ASAP1: variants seen among roughly 807,000 people sequenced by gnomAD.
ASAP1 encodes ArfGAP with SH3 domain, ankyrin repeat and PH domain 1, also known as arf-GAP with SH3 domain, ANK repeat and PH domain-containing protein 1.
ASAP1 carries 43 observed loss-of-function variants against 145.2 expected under a neutral mutation model. That is an observed-to-expected ratio of 0.30 (90% CI 0.23 to 0.38). The LOEUF is 0.38. ASAP1 is among the 10% of genes least tolerant of loss of function. The pLI is 1.00. For missense variants in ASAP1, 1,018 were observed against 1,355.3 expected, an observed-to-expected ratio of 0.75 and a Z score of 3.91; for synonymous variants, 546 against 515.5, an observed-to-expected ratio of 1.06 and a Z score of -0.80.
intron 2 of ASAP1, among the ~76,000 whole-genome samples, chr8:130,382,029 G>A (rs577490496): frequency 4.5e-4 from 68 of 152,304 alleles, no homozygotes; most frequent in South Asian, 1.2e-3. Context: ...GCTCAAGCCT[G>A]TAATCCCAGC....
chr8:130,152,686 G>A (rs780163111), intron 13 of ASAP1, 50 bp downstream of exon 13: 17 of 1,400,178 alleles, frequency 1.2e-5, no homozygotes, highest in East Asian at 9.4e-5. Context: ...GTACATAATC[G>A]TGTTTGCTTT....
rs35020130 is a variant in ASAP1, at chr8:130,390,933, T to TCC, written c.59+10950_59+10951dup. On this transcript the variant is annotated intron_variant, in intron 2 of 29. Transcript: ENST00000518721. The stretch of plus-strand genomic sequence containing the variant: ...CAGCAATTCCACTTCTGGGTATATA[T>TCC]CCCCCGCCCCCCCAAAATTGAAAGC... Among the ~76,000 whole-genome samples, 333 of 132,986 alleles carry TCC rather than the reference T, an allele frequency of 2.5e-3. 2 individuals carry two copies. The highest frequency in any genetic ancestry group is 5.4e-3 in the African/African-American group (169 of 31,214). The allele number at this position is 132,986 out of a possible 152,430, so 87.2% of individuals were successfully genotyped here. A position where few individuals can be genotyped will look rare whatever the true frequency, so the allele number is the denominator to read the frequency against.
intron 2 of ASAP1, chr8:130,361,170 A>T (rs1387337286): frequency 6.1e-6 from 1 of 164,816 alleles, no homozygotes; most frequent in African/African-American, 2.4e-5. Context: ...ATCTGGCATT[A>T]TAGTAAAGAC....
chr8:130,429,924 T>C (rs1281227546), intron 1 of ASAP1, among the ~76,000 whole-genome samples: 1 of 152,214 alleles, frequency 6.6e-6, no homozygotes, highest in Non-Finnish European at 1.5e-5. Flanking sequence ...CAGCCTCCAC[T>C]CATTTCATGA....
chr8:130,166,601 T>A (rs531197737), intron 11 of ASAP1, among the ~76,000 whole-genome samples: 1 of 152,192 alleles, frequency 6.6e-6, no homozygotes, highest in Admixed American at 6.5e-5. Context: ...TCTAATAGTA[T>A]CCATACCACT....
intron 4 of ASAP1, among the ~76,000 whole-genome samples, chr8:130,220,381 C>T (rs933024763): frequency 6.6e-6 from 1 of 152,150 alleles, no homozygotes. Flanking sequence ...TTCACTCTTA[C>T]TAACAGTCCA....
rs189734189 is a variant in ASAP1 at position 130,135,514 on chromosome 8, A to G, written c.1169-1170T>C. On this transcript the variant is annotated intron_variant, in intron 14 of 29. Transcript: ENST00000518721. ...ACAAAAAACAAAACAAAAAAAACCCAAAACAAAACAAAACAAAAAAAAGAA... is the reference window on the plus strand; with the variant it reads ...ACAAAAAACAAAACAAAAAAAACCCGAAACAAAACAAAACAAAAAAAAGAA... Among the ~76,000 whole-genome samples the G allele has an allele frequency of 1.7e-4, 22 of 133,110 alleles. No individual in the cohort carries two copies. The East Asian group carries it at 3.1e-3, about 19-fold the overall frequency. 87.3% of individuals were successfully genotyped at this position (133,110 alleles called of 152,430 possible). A position where few individuals can be genotyped will look rare whatever the true frequency, so the allele number is the denominator to read the frequency against.
intron 4 of ASAP1, among the ~76,000 whole-genome samples, chr8:130,219,761 A>G (rs2136482787): frequency 6.6e-6 from 1 of 152,340 alleles, no homozygotes; most frequent in African/African-American, 2.4e-5. Context: ...TCTGGCATCC[A>G]CGACATTGTT....
At chr8:130,332,488 T>C (rs1824758831) in intron 3 of ASAP1, among the ~76,000 whole-genome samples, 1 of 152,206 alleles carries the variant, frequency 6.6e-6, no homozygotes, top group Admixed American at 6.5e-5. Context: ...TAAAAAATAA[T>C]ACAAAGAACA....
intron 2 of ASAP1, among the ~76,000 whole-genome samples, chr8:130,363,027 A>G (rs1826789713): frequency 6.6e-6 from 1 of 152,198 alleles, no homozygotes; most frequent in Non-Finnish European, 1.5e-5. Context: ...TGAAGAAGCT[A>G]CTAGACCTTG....
At chr8:130,196,089 C>A (rs781153443) in intron 5 of ASAP1, among the ~76,000 whole-genome samples, 18 of 152,214 alleles carry the variant, frequency 1.2e-4, no homozygotes, top group Non-Finnish European at 2.6e-4. Context: ...CGCCTGTAAT[C>A]CGAGCACGCT....
In ASAP1 at chr8:130,358,038, G is replaced by A. The variant is rs1826448338; in HGVS notation, c.165C>T (p.Asn55=). ...SFTTRLHNCR[N]TVTLLEEALD... ...CTACCTCCTCCAGCAGCGTGACGGT[G>A]TTCCTGCAGTTGTGCAGCCGCGTGG... The change falls in exon 3 of 30, where the codon AAC becomes AAT. Residue 55 remains asparagine, a synonymous_variant. Transcript: ENST00000518721. The surrounding 1 kb of genome is among the most constrained non-coding windows in gnomAD (Gnocchi z 4.1). 6.2e-7 allele frequency: 1 copy of A among 1,609,830 alleles called. No individual in the cohort carries two copies. Among genetic ancestry groups the A allele is most frequent in the East Asian group, 2.2e-5 (1 of 44,740 alleles).
chr8:130,091,642 G>A (rs556001729), intron 25 of ASAP1, among the ~76,000 whole-genome samples: 1 of 152,218 alleles, frequency 6.6e-6, no homozygotes, highest in Admixed American at 6.5e-5. Flanking sequence ...TCTGGCTGTT[G>A]TGAGGAAAAT....
rs138642967 is a variant in ASAP1 at position 130,330,546 on chromosome 8, C to G, written c.186+27471G>C. Among the ~76,000 whole-genome samples the G allele has an allele frequency of 3.4e-3, 514 of 152,334 alleles. 4 individuals carry two copies. The highest frequency in any genetic ancestry group is 5.7e-3 in the Non-Finnish European group (385 of 68,038). On this transcript the variant is annotated intron_variant, in intron 3 of 29. Transcript: ENST00000518721. Reference sequence around the variant, plus strand: ...CTGTTACCCTTCCCTCAGTCATCTACCAAAAACCAGGCACATAGTAGGTGC... The same window carrying G: ...CTGTTACCCTTCCCTCAGTCATCTAGCAAAAACCAGGCACATAGTAGGTGC...
chr8:130,348,868 G>A (rs1178335918), intron 3 of ASAP1, among the ~76,000 whole-genome samples: 2 of 152,162 alleles, frequency 1.3e-5, no homozygotes, highest in African/African-American at 4.8e-5. Context: ...AATTATGCAG[G>A]TACATAATAA....
At chr8:130,332,118 C>T (rs1305175356) in intron 3 of ASAP1, among the ~76,000 whole-genome samples, 2 of 152,178 alleles carry the variant, frequency 1.3e-5, no homozygotes, top group Non-Finnish European at 2.9e-5. Flanking sequence ...ACAGAGTAAA[C>T]ATTTCATGAC....
chr8:130,079,826 T>C (rs1034289096), intron 26 of ASAP1, 76 bp downstream of exon 26: 6 of 1,478,006 alleles, frequency 4.1e-6, no homozygotes, highest in Non-Finnish European at 5.7e-6. Flanking sequence ...GGGAAATTCA[T>C]GAAAACTCAT....
intron 13 of ASAP1, among the ~76,000 whole-genome samples, chr8:130,142,326 G>A (rs1268288201): frequency 6.6e-6 from 1 of 152,198 alleles, no homozygotes; most frequent in Non-Finnish European, 1.5e-5. Context: ...TACAGTAAGG[G>A]TTAGAGGTCA....
chr8:130,260,516 A>G (rs1158485639), intron 3 of ASAP1, among the ~76,000 whole-genome samples: 1 of 152,238 alleles, frequency 6.6e-6, no homozygotes, highest in East Asian at 1.9e-4. Flanking sequence ...GAGAGGTTCA[A>G]TGACTTGCCT....
Sources: gnomAD v4.1 joint callset for allele counts (sites outside exome capture counted in the v4.1 genomes callset) on GRCh38, gnomAD v4.1.1 for gene constraint, Gnocchi (gnomAD v3.1) non-coding constraint, MANE v1.5 for transcripts, NCBI Gene and HGNC (gene_info 2026-07-23, HGNC 2026-07-21) for gene names.